Variants in C3orf33 observed in about 807,000 individuals in gnomAD.
The protein encoded by C3orf33 is mitochondrial inner membrane subdomain organizer 1.
C3orf33 carries 23 observed loss-of-function variants against 28.7 expected under a neutral mutation model. The observed-to-expected ratio is 0.80, with a 90% confidence interval of 0.58 to 1.13. The LOEUF (loss-of-function observed/expected upper bound fraction) is 1.13, where lower values mean the gene tolerates loss of function less well. Ranked by LOEUF, C3orf33 falls within the 50% of genes most tolerant of loss-of-function variation. The pLI is 0.00. For missense variants in C3orf33, 327 were observed against 353.4 expected (o/e 0.93, Z 0.60); for synonymous variants, 119 against 120.5 (o/e 0.99, Z 0.08).
At chr3:155,800,628 A>AAAAAAAAAAAAAAAAAAAAAAG (rs1332719348) in intron 2 of C3orf33, among the ~76,000 whole-genome samples, 1 of 147,272 alleles carries the variant, frequency 6.8e-6, no homozygotes, top group Admixed American at 6.8e-5. Context: ...AAAAAAAAAA[A>AAAAAAAAAAAAAAAAAAAAAAG]AAAAAAAAAA....
intron 3 of C3orf33, among the ~76,000 whole-genome samples, chr3:155,774,849 T>C (rs952876334): frequency 9.9e-5 from 15 of 152,106 alleles, no homozygotes; most frequent in African/African-American, 3.6e-4. Flanking sequence ...AAAAGCATCA[T>C]GCTCTTTCTC....
chr3:155,777,493 C>T (rs1370273302), intron 2 of C3orf33, among the ~76,000 whole-genome samples: 7 of 151,668 alleles, frequency 4.6e-5, no homozygotes, highest in African/African-American at 9.7e-5. Flanking sequence ...CAGGCTGCAG[C>T]TCAGTGGCAT....
At chr3:155,805,338 C>CT (rs35567256) in intron 1 of C3orf33, among the ~76,000 whole-genome samples, 116,689 of 151,896 alleles carry the variant, frequency 0.77, 45,126 homozygotes, top group Middle Eastern at 0.84. Context: ...TGACAAGTGC[C>CT]TGTAGCCCTA....
Position 155,773,119 on chromosome 3 carries a change from A to C in C3orf33, c.322+2582T>G, listed in dbSNP as rs200890056. On this transcript the variant is annotated intron_variant, in intron 3 of 4. Transcript: ENST00000340171. ...ATCTATTTCTATTACATAAACCAAG[A>C]AGTAAAAATAGTGAGAGGAACACAG... Among the ~76,000 whole-genome samples the C allele has an allele frequency of 3.3e-5, 5 of 152,324 alleles. No homozygotes were observed. In the East Asian group the frequency reaches 9.6e-4, roughly 29 times the overall value.
At chr3:155,774,447 G>A (rs376734690) in intron 3 of C3orf33, among the ~76,000 whole-genome samples, 2 of 152,072 alleles carry the variant, frequency 1.3e-5, no homozygotes, top group Admixed American at 1.3e-4. Context: ...CAAAGAACCA[G>A]GCCCAGGGTT....
chr3:155,787,321 C>G (rs116681414), intron 2 of C3orf33, among the ~76,000 whole-genome samples: 4,141 of 151,076 alleles, frequency 0.027, 79 homozygotes, highest in Non-Finnish European at 0.039. Context: ...ACCTCAGCCT[C>G]CTGAGCAGCT....
chr3:155,796,812 A>G (rs1230295855), intron 2 of C3orf33, among the ~76,000 whole-genome samples: 1 of 152,218 alleles, frequency 6.6e-6, no homozygotes, highest in Non-Finnish European at 1.5e-5. Context: ...TATTAAAAAG[A>G]TCTTTGACCA....
At chr3:155,792,759 G>A (rs1053420488) in intron 2 of C3orf33, among the ~76,000 whole-genome samples, 2 of 151,950 alleles carry the variant, frequency 1.3e-5, no homozygotes, top group African/African-American at 2.4e-5. Flanking sequence ...TAGCAAGTCT[G>A]AGGACAGGCT....
chr3:155,769,823 G>C (rs1045816842), intron 3 of C3orf33, among the ~76,000 whole-genome samples: 1 of 152,164 alleles, frequency 6.6e-6, no homozygotes, highest in Non-Finnish European at 1.5e-5. Flanking sequence ...AAACCAAGCT[G>C]CAAGTCTCAG....
intron 1 of C3orf33, chr3:155,805,854 C>A (rs1751793606): frequency 1.9e-6 from 1 of 521,102 alleles, no homozygotes; most frequent in Non-Finnish European, 3.5e-6. Flanking sequence ...GTGGCATCCC[C>A]GAGCTGGGCT....
At chr3:155,800,740 C>A (rs1286371714) in intron 2 of C3orf33, among the ~76,000 whole-genome samples, 1 of 128,932 alleles carries the variant, frequency 7.8e-6, no homozygotes, top group African/African-American at 2.9e-5. Flanking sequence ...AACAAAAAAA[C>A]AAACAACCCC....
chr3:155,764,275 G>C (rs567085194), intron 4 of C3orf33, among the ~76,000 whole-genome samples: 9 of 152,226 alleles, frequency 5.9e-5, no homozygotes, highest in Middle Eastern at 3.4e-3. Context: ...GTGACAGTAG[G>C]ACCAGCAAAA....
chr3:155,802,736 T>G, intron 1 of C3orf33, 145 bp from the exon 2 acceptor site: 1 of 583,508 alleles, frequency 1.7e-6, no homozygotes, highest in East Asian at 3.2e-5. Flanking sequence ...AAAGGCCCAC[T>G]TCTTCAAAAA....
At chr3:155,777,245 C>A (rs1002933583) in intron 2 of C3orf33, among the ~76,000 whole-genome samples, 1 of 151,008 alleles carries the variant, frequency 6.6e-6, no homozygotes, top group African/African-American at 2.4e-5. Flanking sequence ...GCCTGGGAGG[C>A]GGAGGTTGCA....
At chr3:155,771,979 C>T (rs990508150) in intron 3 of C3orf33, among the ~76,000 whole-genome samples, 20 of 151,786 alleles carry the variant, frequency 1.3e-4, no homozygotes, top group African/African-American at 4.4e-4. Flanking sequence ...AGAGGTGGGC[C>T]GATGTCTTAA....
At chr3:155,801,309 CAAAAAAAAA>C (rs59221219) in intron 2 of C3orf33, among the ~76,000 whole-genome samples, 8 of 122,886 alleles carry the variant, frequency 6.5e-5, no homozygotes, top group African/African-American at 2.5e-4. Flanking sequence ...AGACTCTGTC[CAAAAAAAAA>C]AAAAAAAAAA....
intron 2 of C3orf33, 115 bp downstream of exon 2, chr3:155,802,417 T>G: frequency 5.3e-6 from 4 of 747,988 alleles, no homozygotes; most frequent in Non-Finnish European, 9.0e-6. Flanking sequence ...AAAATACTAT[T>G]TAAAAGCTAC....
rs564190185 is a variant in C3orf33, at chr3:155,806,238, G to A, written c.15C>T (p.Pro5=). 883 of 1,463,346 alleles carry A rather than the reference G, an allele frequency of 6.0e-4. 3 individuals carry two copies. The highest frequency in any genetic ancestry group is 7.5e-4 in the Non-Finnish European group (830 of 1,106,336). The allele number at this position is 1,463,346 out of a possible 1,614,324, so 90.6% of individuals were successfully genotyped here. ...CGGCAGACGGCGAGCCGGTGGCCGCGGGCTGCCCCGCCATGTTCCCGGCCT... is the reference window on the plus strand; with the variant it reads ...CGGCAGACGGCGAGCCGGTGGCCGCAGGCTGCCCCGCCATGTTCCCGGCCT... MAGQ[P]AATGSPSADK... The change falls in exon 1 of 5, where the codon CCC becomes CCT. Residue 5 remains proline (P), a synonymous_variant. Coordinates refer to ENST00000340171, the MANE Select transcript of C3orf33 (RefSeq NM_001308229.2).
At chr3:155,792,779 TAC>T (rs1003014681) in intron 2 of C3orf33, among the ~76,000 whole-genome samples, 11 of 151,506 alleles carry the variant, frequency 7.3e-5, no homozygotes, top group Non-Finnish European at 1.6e-4. Flanking sequence ...TATTTGAAAA[TAC>T]ACAGTCAGAG....
Sources: gnomAD v4.1 joint callset for allele counts (sites outside exome capture counted in the v4.1 genomes callset) on GRCh38, gnomAD v4.1.1 for gene constraint, MANE v1.5 for transcripts, NCBI Gene and HGNC (gene_info 2026-07-23, HGNC 2026-07-21) for gene names.